Variants in LOC400499 observed in about 807,000 individuals in gnomAD.
At chr16:11,508,363 C>G in the LOC400499 span, among the ~76,000 whole-genome samples, 2 of 152,240 alleles carry the variant, frequency 1.3e-5, no homozygotes, top group African/African-American at 4.8e-5. Flanking sequence ...CCATGTGTTT[C>G]TAACTTTGCT....
chr16:11,414,192 T>C, the LOC400499 span: 1 of 397,882 alleles, frequency 2.5e-6, no homozygotes, highest in African/African-American at 2.1e-5. Context: ...ATAGCGATTA[T>C]GAATGAAGCC....
At chr16:11,473,129 A>G in the LOC400499 span, 16 of 151,562 alleles carry the variant, frequency 1.1e-4, no homozygotes, top group Non-Finnish European at 2.1e-4. Context: ...ATAAATAAAT[A>G]AATAAATAAA....
the LOC400499 span, chr16:11,448,894 C>T: frequency 2.1e-6 from 3 of 1,436,112 alleles, no homozygotes; most frequent in South Asian, 1.4e-5. Flanking sequence ...GGTCTCTTGG[C>T]TGCACGGGCC....
the LOC400499 span, among the ~76,000 whole-genome samples, chr16:11,422,131 T>G: frequency 2.0e-5 from 3 of 152,244 alleles, no homozygotes; most frequent in Admixed American, 6.5e-5. Flanking sequence ...GCTGGGTACA[T>G]GGCCCATGCC....
the LOC400499 span, among the ~76,000 whole-genome samples, chr16:11,444,622 G>T: frequency 0.05 from 7,605 of 152,282 alleles, 568 homozygotes; most frequent in African/African-American, 0.16. Context: ...AGAAAAGTTT[G>T]TTGACCTCTG....
the LOC400499 span, chr16:11,396,705 G>A: frequency 8.1e-7 from 1 of 1,231,688 alleles, no homozygotes; most frequent in Non-Finnish European, 1.0e-6. Context: ...GTGTCAGGCA[G>A]GCACAGGGGT....
the LOC400499 span, among the ~76,000 whole-genome samples, chr16:11,409,853 GTGA>G: frequency 6.8e-6 from 1 of 148,100 alleles, no homozygotes; most frequent in Non-Finnish European, 1.5e-5. Flanking sequence ...GAAAAAATGT[GTGA>G]TGATACAAAT....
chr16:11,500,972 G>A, the LOC400499 span: 2 of 399,102 alleles, frequency 5.0e-6, no homozygotes, highest in East Asian at 7.1e-5. Context: ...GTGGCTGCCT[G>A]AGATCATCAA....
the LOC400499 span, chr16:11,404,756 G>A: frequency 3.3e-4 from 133 of 398,896 alleles, 2 homozygotes; most frequent in African/African-American, 1.0e-4. Context: ...AAAGGCTCCC[G>A]GTGAGGGCCA....
At chr16:11,462,160 G>A in the LOC400499 span, 959 of 1,532,224 alleles carry the variant, frequency 6.3e-4, no homozygotes, top group Non-Finnish European at 7.9e-4. Flanking sequence ...TCAGCGATGC[G>A]GAGAAGGCCA....
the LOC400499 span, among the ~76,000 whole-genome samples, chr16:11,401,829 G>A: frequency 2.6e-5 from 4 of 152,340 alleles, no homozygotes; most frequent in South Asian, 2.1e-4. Context: ...GTGAGCCACC[G>A]TCACTGCCGT....
chr16:11,393,470 C>T, the LOC400499 span: 1 of 1,232,332 alleles, frequency 8.1e-7, no homozygotes, highest in Non-Finnish European at 1.0e-6. Context: ...CTCTGTTGTC[C>T]ACGCTTCCCT....
chr16:11,488,311 T>C, the LOC400499 span, among the ~76,000 whole-genome samples: 3 of 152,134 alleles, frequency 2.0e-5, no homozygotes, highest in East Asian at 5.8e-4. Flanking sequence ...CTGAATGCCA[T>C]AAAATAACTG....
At chr16:11,458,548 T>G in the LOC400499 span, among the ~76,000 whole-genome samples, 1 of 150,006 alleles carries the variant, frequency 6.7e-6, no homozygotes, top group East Asian at 1.9e-4. Flanking sequence ...CACGGCTCTG[T>G]GTTAGCTAGA....
At chr16:11,391,820 A>G in the LOC400499 span, 5 of 1,231,972 alleles carry the variant, frequency 4.1e-6, no homozygotes, top group Admixed American at 8.4e-5. Context: ...ACAGCTGCAG[A>G]AGGAGGCCTG....
chr16:11,484,394 T>C, the LOC400499 span, among the ~76,000 whole-genome samples: 1 of 152,154 alleles, frequency 6.6e-6, no homozygotes, highest in Non-Finnish European at 1.5e-5. Context: ...ATCTCATGAG[T>C]GTGTACATGG....
chr16:11,469,818 T>C, the LOC400499 span, among the ~76,000 whole-genome samples: 1 of 152,174 alleles, frequency 6.6e-6, no homozygotes, highest in African/African-American at 2.4e-5. Flanking sequence ...CCCAGGACCA[T>C]GTCCACAGGG....
At chr16:11,460,864 G>A in the LOC400499 span, 17 of 1,393,016 alleles carry the variant, frequency 1.2e-5, no homozygotes, top group East Asian at 2.5e-4. Flanking sequence ...GGAAAACCCC[G>A]TGGTGACAGC....
At chr16:11,515,479 G>A in the LOC400499 span, among the ~76,000 whole-genome samples, 4 of 144,338 alleles carry the variant, frequency 2.8e-5, no homozygotes, top group Non-Finnish European at 2.9e-5. Flanking sequence ...ACATACGTAC[G>A]TACATACATA....
Sources: allele counts gnomAD v4.1 joint callset (sites outside exome capture counted in the v4.1 genomes callset), GRCh38; gene constraint gnomAD v4.1.1; transcripts MANE v1.5.